Variants in ETNPPL observed in about 807,000 individuals in gnomAD.
ETNPPL encodes ethanolamine-phosphate phospho-lyase, also known as alanine--glyoxylate aminotransferase 2-like 1.
ETNPPL carries 30 observed loss-of-function variants against 55.5 expected under a neutral mutation model. That is an observed-to-expected ratio of 0.54 (90% CI 0.40 to 0.73). The LOEUF (loss-of-function observed/expected upper bound fraction) is 0.73, where lower values mean the gene tolerates loss of function less well. ETNPPL is among the 30% of genes least tolerant of loss of function. The pLI, the probability that ETNPPL is intolerant of heterozygous loss-of-function variation, is 0.00. For missense variants in ETNPPL, 528 were observed against 607.9 expected (o/e 0.87, Z 1.38); for synonymous variants, 202 against 207.2 (o/e 0.98, Z 0.21).
chr4:108,752,883 A>G lies in ETNPPL; in HGVS notation c.618+12T>C. 1.4e-6 allele frequency: 2 copies of G among 1,452,046 alleles called. No individual in the cohort carries two copies. Among genetic ancestry groups the G allele is most frequent in the East Asian group, 2.3e-5 (1 of 43,754 alleles). The allele number at this position is 1,452,046 out of a possible 1,614,324, so 89.9% of individuals were successfully genotyped here. Reference sequence around the variant, plus strand: ...AAGATGTTGAGATGTTTCCAAAGCTATAAATACAAACCTTCCTTCCACTGT... The same window carrying G: ...AAGATGTTGAGATGTTTCCAAAGCTGTAAATACAAACCTTCCTTCCACTGT... On this transcript the variant is annotated intron_variant, in intron 6 of 12. Transcript: ENST00000296486.
chr4:108,749,300 CACAT>C lies in ETNPPL; in HGVS notation c.861_864del (p.Cys288TrpfsTer2). On this transcript the variant is annotated frameshift_variant, in exon 8 of 13. Coordinates refer to ENST00000296486, the MANE Select transcript of ETNPPL (RefSeq NM_031279.4). LOFTEE classifies it high-confidence loss of function. ...TCTGCAATTTCTTTGGTTGTTACCACACATGCCACCGGGTGGCCGTTGCCCATCG... is the reference window on the plus strand; with the variant it reads ...TCTGCAATTTCTTTGGTTGTTACCACGCCACCGGGTGGCCGTTGCCCATCG... The C allele has an allele frequency of 6.2e-7, 1 of 1,614,176 alleles. No homozygotes were observed. The highest frequency in any genetic ancestry group is 8.5e-7 in the Non-Finnish European group (1 of 1,180,034).
intron 7 of ETNPPL, among the ~76,000 whole-genome samples, chr4:108,750,266 C>T (rs529362563): frequency 1.6e-3 from 247 of 152,134 alleles, no homozygotes; most frequent in Non-Finnish European, 2.5e-3. Flanking sequence ...CTGGTGGGCA[C>T]AATCTAATCA....
chr4:108,754,854 G>A (rs1729123121), intron 4 of ETNPPL, 144 bp from the exon 5 acceptor site: 4 of 612,316 alleles, frequency 6.5e-6, no homozygotes, highest in Non-Finnish European at 1.1e-5. Flanking sequence ...GACTATATGG[G>A]ATCTAATTTT....
chr4:108,758,681 G>A (rs1268664077), intron 3 of ETNPPL, among the ~76,000 whole-genome samples: 1 of 152,228 alleles, frequency 6.6e-6, no homozygotes. Context: ...GTTGGTGCTG[G>A]CCCCAGGGTC....
chr4:108,759,845 T>C lies in ETNPPL; in HGVS notation c.239A>G (p.Asn80Ser), dbSNP rs773344861. 11 of 1,614,154 alleles carry C rather than the reference T, an allele frequency of 6.8e-6. No individual in the cohort carries two copies. The highest frequency in any genetic ancestry group is 1.1e-5 in the South Asian group (1 of 91,080). The change falls in exon 3 of 13, where the codon AAT becomes AGT. Residue 80 changes from asparagine to serine, a missense_variant. Coordinates refer to ENST00000296486, the MANE Select transcript of ETNPPL (RefSeq NM_031279.4). ...ALKQMELLNTNSRFLHDNIVE... is the reference protein window; with the variant it reads ...ALKQMELLNTSSRFLHDNIVE... Reference sequence around the variant, plus strand: ...AATGTTGTCGTGGAGGAATCGAGAATTTGTATTTAGCAGTTCCATCTGTTT... The same window carrying C: ...AATGTTGTCGTGGAGGAATCGAGAACTTGTATTTAGCAGTTCCATCTGTTT...
chr4:108,759,400 C>CAAAAAA (rs59227589), intron 3 of ETNPPL, among the ~76,000 whole-genome samples: 5 of 70,278 alleles, frequency 7.1e-5, no homozygotes, highest in Admixed American at 3.6e-4. Context: ...GGCTCCATCT[C>CAAAAAA]AAAAAAAAAA....
chr4:108,743,675 A>G, intron 12 of ETNPPL, 114 bp downstream of exon 12: 1 of 751,000 alleles, frequency 1.3e-6, no homozygotes, highest in Non-Finnish European at 2.4e-6. Flanking sequence ...AACCTAATAC[A>G]GGCTGGCATT....
intron 10 of ETNPPL, 81 bp downstream of exon 10, chr4:108,746,681 G>T: frequency 6.7e-7 from 1 of 1,502,412 alleles, no homozygotes; most frequent in Non-Finnish European, 9.2e-7. Flanking sequence ...TCAGAGGGAT[G>T]GGAGGAAGTC....
chr4:108,748,177 A>C lies in ETNPPL; in HGVS notation c.928-18T>G. On this transcript the variant is annotated intron_variant, in intron 8 of 12. Coordinates refer to ENST00000296486, the MANE Select transcript of ETNPPL (RefSeq NM_031279.4). ...CCTCCATACTGTAAAAAAAAAAAAG[A>C]CAAATGAGAAAATATACCAGTTGAA... 6.5e-7 allele frequency: 1 copy of C among 1,539,724 alleles called. No individual in the cohort carries two copies.
intron 3 of ETNPPL, among the ~76,000 whole-genome samples, chr4:108,757,377 A>G (rs567506192): frequency 9.8e-5 from 15 of 152,342 alleles, no homozygotes; most frequent in Admixed American, 8.5e-4. Flanking sequence ...CTTTATATGG[A>G]TAAAACAGCC....
Position 108,749,281 on chromosome 4 carries a change from A to G in ETNPPL, c.884T>C (p.Ile295Thr), listed in dbSNP as rs374657066. The G allele has an allele frequency of 2.5e-6, 4 of 1,614,026 alleles. No homozygotes were observed. Among genetic ancestry groups the G allele is most frequent in the East Asian group, 2.2e-5 (1 of 44,888 alleles). ...CCCAGAGCTGCTGAAGGCTTCTGCA[A>G]TTTCTTTGGTTGTTACCACACATGC... Reference protein sequence around the residue: ...PVACVVTTKEIAEAFSSSGME... With the variant: ...PVACVVTTKETAEAFSSSGME... Residue 295 changes from isoleucine (I) to threonine (T), a missense_variant, in exon 8 of 13, where the codon ATT (isoleucine) becomes ACT (threonine). Ile to Thr is a moderately conservative substitution (Grantham distance 89). Transcript: ENST00000296486.
chr4:108,751,579 G>A (rs575081700), intron 6 of ETNPPL, among the ~76,000 whole-genome samples: 8 of 152,306 alleles, frequency 5.3e-5, no homozygotes, highest in Non-Finnish European at 8.8e-5. Context: ...TCATTCTAGA[G>A]ACTAAGAAAA....
chr4:108,758,029 G>A (rs1457766119), intron 3 of ETNPPL, among the ~76,000 whole-genome samples: 5 of 134,440 alleles, frequency 3.7e-5, no homozygotes, highest in South Asian at 2.4e-4. Flanking sequence ...TTTTTTTGAC[G>A]GAGTCTCACT....
At chr4:108,753,756 G>T (rs146360190) in intron 5 of ETNPPL, among the ~76,000 whole-genome samples, 21,677 of 122,786 alleles carry the variant, frequency 0.18, 2,595 homozygotes, top group East Asian at 0.5. Flanking sequence ...AAATAAGAAA[G>T]AAAGAAAGAA....
At position 108,757,991 on chromosome 4, in the gene ETNPPL, CA is replaced by C. The variant is rs200280650; in HGVS notation, c.336-1500del. 3.4e-5 allele frequency among the ~76,000 whole-genome samples: 5 copies of C among 147,918 alleles called. No individual in the cohort carries two copies. In the East Asian group the frequency reaches 1.0e-3, roughly 30 times the overall value. The stretch of plus-strand genomic sequence containing the variant: ...CACGGAATGTCTAATAGTTAATTTT[CA>C]TATATATTTCTTTCTTTTTTTTTTT... On this transcript the variant is annotated intron_variant, in intron 3 of 12. Coordinates refer to ENST00000296486, the MANE Select transcript of ETNPPL (RefSeq NM_031279.4).
intron 4 of ETNPPL, 95 bp downstream of exon 4, chr4:108,756,323 T>C: frequency 2.4e-6 from 2 of 831,264 alleles, no homozygotes; most frequent in Non-Finnish European, 4.1e-6. Context: ...ATCTGTCCTC[T>C]TTCACATGCG....
rs751708673 is a variant in ETNPPL at position 108,748,151 on chromosome 4, T to C, written c.936A>G (p.Gly312=). 17 of 1,565,214 alleles carry C rather than the reference T, an allele frequency of 1.1e-5. No individual in the cohort carries two copies. Among genetic ancestry groups the C allele is most frequent in the Non-Finnish European group, 1.5e-5 (17 of 1,166,350 alleles). The change falls in exon 9 of 13, where the codon GGA becomes GGG. Residue 312 remains glycine (G), a synonymous_variant. Transcript: ENST00000296486. ...SGMEYFNTYG[G]NPVSCAVGLA... Reference sequence around the variant, plus strand: ...AACCAACAGCACAAGATACTGGATTTCCTCCATACTGTAAAAAAAAAAAAG... The same window carrying C: ...AACCAACAGCACAAGATACTGGATTCCCTCCATACTGTAAAAAAAAAAAAG...
intron 4 of ETNPPL, among the ~76,000 whole-genome samples, chr4:108,755,170 A>G (rs111496382): frequency 1.3e-5 from 2 of 152,256 alleles, no homozygotes; most frequent in African/African-American, 4.8e-5. Flanking sequence ...TTTCTAAAGC[A>G]TGTCCACTTG....
rs1728536346 is a variant in ETNPPL at position 108,746,916 on chromosome 4, A to C, written c.1083-65T>G. 8.8e-6 allele frequency: 9 copies of C among 1,018,088 alleles called. No homozygotes were observed. The Admixed American group carries it at 1.7e-4, about 19-fold the overall frequency. The allele number at this position is 1,018,088 out of a possible 1,614,324, so 63.1% of individuals were successfully genotyped here. A position where few individuals can be genotyped will look rare whatever the true frequency, so the allele number is the denominator to read the frequency against. Reference sequence around the variant, plus strand: ...AACTCTTCACTGTCACAAAAAGTTAACACTATCACCAAACTTCCATTTAAT... The same window carrying C: ...AACTCTTCACTGTCACAAAAAGTTACCACTATCACCAAACTTCCATTTAAT... On this transcript the variant is annotated intron_variant, in intron 9 of 12. Transcript: ENST00000296486.
Sources: allele counts gnomAD v4.1 joint callset (sites outside exome capture counted in the v4.1 genomes callset), GRCh38; gene constraint gnomAD v4.1.1; transcripts MANE v1.5; gene names NCBI Gene and HGNC (gene_info 2026-07-23, HGNC 2026-07-21).